FEM1C: variants seen among roughly 807,000 people sequenced by gnomAD.
FEM1C encodes fem-1 homolog C, also known as protein fem-1 homolog C.
A neutral mutation model predicts 37.6 loss-of-function variants in FEM1C; 15 were observed. The ratio of observed to expected loss-of-function variants is 0.40; its 90% CI spans 0.27 to 0.61. The LOEUF is 0.61. Among genes scored for constraint, FEM1C ranks in the 20% least tolerant of loss-of-function variants. The pLI is 0.42. For synonymous variants in FEM1C, 287 were observed against 272.8 expected (o/e 1.05, Z -0.51); for missense variants, 532 against 749.7 (o/e 0.71, Z 3.39).
Position 115,543,343 on chromosome 5 carries a change from A to G in FEM1C, c.151T>C (p.Tyr51His), listed in dbSNP as rs1462092597. 4 of 1,614,162 alleles carry G rather than the reference A, an allele frequency of 2.5e-6. No homozygotes were observed. The East Asian group carries it at 8.9e-5, about 36-fold the overall frequency. Reference protein sequence around the residue: ...GATPLLMAARYGHLDMVEFLL... With the variant: ...GATPLLMAARHGHLDMVEFLL... ...AATTCCACCATGTCAAGGTGCCCAT[A>G]CCTGGCGGCCATCAAGAGTGGCGTG... is the stretch of plus-strand genomic sequence containing the variant. Residue 51 changes from tyrosine to histidine, a missense_variant, in exon 2 of 3, where the codon TAT becomes CAT. Tyr to His is a moderately conservative substitution (Grantham distance 83, BLOSUM62 2). Transcript: ENST00000274457.
At chr5:115,542,089 T>C (rs776128253) in intron 2 of FEM1C, among the ~76,000 whole-genome samples, 10 of 152,202 alleles carry the variant, frequency 6.6e-5, no homozygotes, top group Non-Finnish European at 2.9e-5. Context: ...ATAAATAGAT[T>C]CGTGTAAGGG....
At chr5:115,543,760 G>A in intron 1 of FEM1C, 77 bp from the exon 2 acceptor site, 2 of 1,244,786 alleles carry the variant, frequency 1.6e-6, no homozygotes, top group Non-Finnish European at 2.0e-6. Context: ...TTCCACTTCT[G>A]TGGGAAGAAA....
chr5:115,525,088 G>A lies in FEM1C; in HGVS notation c.1074C>T (p.Ile358=), dbSNP rs1039863159. 6.2e-7 allele frequency: 1 copy of A among 1,613,800 alleles called. No homozygotes were observed. Among genetic ancestry groups the A allele is most frequent in the Admixed American group, 1.7e-5 (1 of 59,948 alleles). The change falls in exon 3 of 3, where the codon ATC becomes ATT. Residue 358 remains isoleucine, a synonymous_variant. Transcript: ENST00000274457. ...YADSGNFKRC[I]NLWKYALDMQ... Reference sequence around the variant, plus strand: ...TATCCAAAGCATACTTCCATAGGTTGATGCATCGTTTGAAATTTCCAGAGT... The same window carrying A: ...TATCCAAAGCATACTTCCATAGGTTAATGCATCGTTTGAAATTTCCAGAGT...
chr5:115,541,046 T>A (rs1754231072), intron 2 of FEM1C, among the ~76,000 whole-genome samples: 2 of 152,142 alleles, frequency 1.3e-5, no homozygotes, highest in South Asian at 4.1e-4. Context: ...CCTCTAAAGA[T>A]AATCAGGAAC....
intron 2 of FEM1C, among the ~76,000 whole-genome samples, chr5:115,530,560 T>C (rs984672091): frequency 6.6e-6 from 1 of 152,032 alleles, no homozygotes; most frequent in Non-Finnish European, 1.5e-5. Flanking sequence ...TCAACAACCA[T>C]AGAAAACAAT....
chr5:115,536,420 T>G (rs1172945882), intron 2 of FEM1C, among the ~76,000 whole-genome samples: 1 of 151,842 alleles, frequency 6.6e-6, no homozygotes, highest in Non-Finnish European at 1.5e-5. Context: ...TCCTCAACTT[T>G]GTAGCTGGGG....
At chr5:115,542,724 TAA>T (rs1452801369) in intron 2 of FEM1C, among the ~76,000 whole-genome samples, 1 of 152,172 alleles carries the variant, frequency 6.6e-6, no homozygotes, top group African/African-American at 2.4e-5. Flanking sequence ...TTACTCCAAA[TAA>T]GAGAGAAAAT....
intron 2 of FEM1C, 46 bp downstream of exon 2, chr5:115,542,904 G>C (rs746936297): frequency 1.9e-6 from 3 of 1,567,546 alleles, no homozygotes; most frequent in South Asian, 1.2e-5. Flanking sequence ...CAAACTTCCT[G>C]AAAATAAGTG....
chr5:115,533,745 C>G (rs917801914), intron 2 of FEM1C, among the ~76,000 whole-genome samples: 1 of 151,276 alleles, frequency 6.6e-6, no homozygotes, highest in Admixed American at 6.6e-5. Flanking sequence ...AATAAAACAA[C>G]ACAAAGTTCA....
At chr5:115,530,775 G>A (rs527593680) in intron 2 of FEM1C, among the ~76,000 whole-genome samples, 1 of 152,072 alleles carries the variant, frequency 6.6e-6, no homozygotes, top group Non-Finnish European at 1.5e-5. Flanking sequence ...GTCGGTCAAA[G>A]AAGCAAGCCC....
In FEM1C at chr5:115,538,821, A is replaced by C. The variant is rs535456704; in HGVS notation, c.544+4129T>G. Among the ~76,000 whole-genome samples, 14 of 152,020 alleles carry C rather than the reference A, an allele frequency of 9.2e-5. No individual in the cohort carries two copies. The South Asian group carries it at 1.2e-3, about 14-fold the overall frequency. ...AGTGCCTTTCCTTATGCCATTTCCT[A>C]AACCTTCAAAACTGCCAAAACCCTT... On this transcript the variant is annotated intron_variant, in intron 2 of 2. Transcript: ENST00000274457.
rs114167071 is a variant in FEM1C at position 115,537,983 on chromosome 5, T to G, written c.544+4967A>C. On this transcript the variant is annotated intron_variant, in intron 2 of 2. Coordinates refer to ENST00000274457, the MANE Select transcript of FEM1C (RefSeq NM_020177.3). ...ATTTACAGTGGGGAATTAAATAAGA[T>G]TTTTCTTTAGCATTTCCTTGACTAA... Among the ~76,000 whole-genome samples the G allele has an allele frequency of 7.3e-3, 1,110 of 152,138 alleles. 16 individuals are homozygous for G. Among genetic ancestry groups the G allele is most frequent in the African/African-American group, 0.025 (1,058 of 41,564 alleles).
At chr5:115,526,643 C>A (rs1000614478) in intron 2 of FEM1C, among the ~76,000 whole-genome samples, 7 of 152,106 alleles carry the variant, frequency 4.6e-5, no homozygotes, top group African/African-American at 1.4e-4. Context: ...CTGGTATTTA[C>A]ATACAATGTT....
At chr5:115,526,651 G>T (rs1170059760) in intron 2 of FEM1C, among the ~76,000 whole-genome samples, 7 of 152,108 alleles carry the variant, frequency 4.6e-5, no homozygotes, top group African/African-American at 1.7e-4. Flanking sequence ...TACATACAAT[G>T]TTTACATAAA....
At chr5:115,528,111 G>GA (rs1036870989) in intron 2 of FEM1C, among the ~76,000 whole-genome samples, 1 of 149,160 alleles carries the variant, frequency 6.7e-6, no homozygotes, top group Admixed American at 6.7e-5. Context: ...CATACCAGGA[G>GA]AAAAAAAGTA....
chr5:115,525,707 A>G (rs1475624180), intron 2 of FEM1C, 90 bp from the exon 3 acceptor site: 1 of 1,080,888 alleles, frequency 9.3e-7, no homozygotes, highest in Non-Finnish European at 1.3e-6. Context: ...CCTAAAGAAA[A>G]GCAGGAAGCT....
Position 115,543,679 on chromosome 5 carries a change from C to A in FEM1C, c.-186G>T. The A allele has an allele frequency of 7.4e-7, 1 of 1,355,622 alleles. No individual in the cohort carries two copies. The highest frequency in any genetic ancestry group is 2.0e-5 in the South Asian group (1 of 50,758). 84.0% of individuals were successfully genotyped at this position (1,355,622 alleles called of 1,614,324 possible). A position where few individuals can be genotyped will look rare whatever the true frequency, so the allele number is the denominator to read the frequency against. On this transcript the variant is annotated 5_prime_UTR_variant, in exon 2 of 3. Coordinates refer to ENST00000274457, the MANE Select transcript of FEM1C (RefSeq NM_020177.3). ...TTTCCAACATCTGACAACCAGGGCA[C>A]CAAACTAGAGAAAGAAAAAAAAAGT...
intron 2 of FEM1C, among the ~76,000 whole-genome samples, chr5:115,530,558 C>G (rs951843183): frequency 6.6e-6 from 1 of 152,022 alleles, no homozygotes; most frequent in Non-Finnish European, 1.5e-5. Flanking sequence ...ACTCAACAAC[C>G]ATAGAAAACA....
intron 2 of FEM1C, among the ~76,000 whole-genome samples, chr5:115,537,249 T>C (rs1171767886): frequency 6.6e-6 from 1 of 151,990 alleles, no homozygotes; most frequent in East Asian, 1.9e-4. Context: ...GAATTTTATT[T>C]CAAACAAACA....
Sources: allele counts gnomAD v4.1 joint callset (sites outside exome capture counted in the v4.1 genomes callset), GRCh38; gene constraint gnomAD v4.1.1; transcripts MANE v1.5; gene names NCBI Gene and HGNC (gene_info 2026-07-23, HGNC 2026-07-21).